Variants in PLGRKT observed in about 807,000 individuals in gnomAD.
PLGRKT encodes the protein plasminogen receptor (KT).
Under a neutral mutation model 18.5 loss-of-function variants are expected in PLGRKT, and 22 were observed. The ratio of observed to expected loss-of-function variants is 1.19; its 90% CI spans 0.85 to 1.70. The LOEUF (loss-of-function observed/expected upper bound fraction) is 1.70. PLGRKT is among the 40% of genes most tolerant of loss of function. The pLI is 0.00. For synonymous variants in PLGRKT, 72 were observed against 52.8 expected, an observed-to-expected ratio of 1.36 and a Z score of -1.58; for missense variants, 235 against 174.4, an observed-to-expected ratio of 1.35 and a Z score of -1.96.
intron 3 of PLGRKT, among the ~76,000 whole-genome samples, chr9:5,380,590 C>A (rs543248344): frequency 6.6e-6 from 1 of 152,106 alleles, no homozygotes; most frequent in South Asian, 2.1e-4. Context: ...CCCTAAACAC[C>A]CTTTTCCTTC....
At chr9:5,429,171 T>C (rs1356988621) in intron 3 of PLGRKT, among the ~76,000 whole-genome samples, 6 of 152,194 alleles carry the variant, frequency 3.9e-5, no homozygotes, top group African/African-American at 7.2e-5. Flanking sequence ...TACAATGACA[T>C]TGATGTATTA....
chr9:5,369,588 C>G (rs575155581), intron 3 of PLGRKT, among the ~76,000 whole-genome samples: 1 of 152,280 alleles, frequency 6.6e-6, no homozygotes, highest in African/African-American at 2.4e-5. Context: ...AATCCCATTA[C>G]TGGTTATATA....
intron 3 of PLGRKT, among the ~76,000 whole-genome samples, chr9:5,406,692 A>G (rs1182597730): frequency 6.6e-6 from 1 of 152,176 alleles, no homozygotes; most frequent in African/African-American, 2.4e-5. Flanking sequence ...TGACAGGTAC[A>G]GCAAACCACC....
chr9:5,370,695 ATTTATCTATGC>A (rs1817497323), intron 3 of PLGRKT, among the ~76,000 whole-genome samples: 2 of 152,222 alleles, frequency 1.3e-5, no homozygotes, highest in South Asian at 4.1e-4. Context: ...AGTATTTTAT[ATTTATCTATGC>A]CTTTGTTAAC....
chr9:5,388,182 A>T (rs1817881280), intron 3 of PLGRKT, among the ~76,000 whole-genome samples: 1 of 151,902 alleles, frequency 6.6e-6, no homozygotes, highest in Admixed American at 6.5e-5. Flanking sequence ...CAGCCACTCC[A>T]GGAATGTGTA....
chr9:5,419,310 T>C (rs1818526748), intron 3 of PLGRKT, among the ~76,000 whole-genome samples: 1 of 152,246 alleles, frequency 6.6e-6, no homozygotes, highest in Non-Finnish European at 1.5e-5. Context: ...TGAATCCCTT[T>C]CACTCCATTC....
chr9:5,431,889 A>T lies in PLGRKT; in HGVS notation c.81+8T>A. Reference sequence around the variant, plus strand: ...ACAACATAATAGCTTAATTATTTTAAAACATACCTGAAGTCGAGCATTCAT... The same window carrying T: ...ACAACATAATAGCTTAATTATTTTATAACATACCTGAAGTCGAGCATTCAT... On this transcript the variant is annotated splice_region_variant and intron_variant, in intron 3 of 5. Coordinates refer to ENST00000223864, the MANE Select transcript of PLGRKT (RefSeq NM_018465.4). The T allele has an allele frequency of 7.4e-7, 1 of 1,352,496 alleles. No individual in the cohort carries two copies. Among genetic ancestry groups the T allele is most frequent in the East Asian group, 2.3e-5 (1 of 43,668 alleles). 83.8% of individuals were successfully genotyped at this position (1,352,496 alleles called of 1,614,324 possible).
At chr9:5,402,623 G>A (rs570787236) in intron 3 of PLGRKT, among the ~76,000 whole-genome samples, 6 of 151,996 alleles carry the variant, frequency 3.9e-5, no homozygotes, top group Admixed American at 6.5e-5. Context: ...GGGCAGTGAC[G>A]GACGAGGAAG....
At chr9:5,399,255 G>C (rs1040701045) in intron 3 of PLGRKT, among the ~76,000 whole-genome samples, 1 of 151,840 alleles carries the variant, frequency 6.6e-6, no homozygotes, top group Non-Finnish European at 1.5e-5. Flanking sequence ...TCTGTCTAAT[G>C]TCAATTTAAT....
intron 3 of PLGRKT, among the ~76,000 whole-genome samples, chr9:5,379,768 C>A (rs1198238194): frequency 6.6e-6 from 1 of 152,070 alleles, no homozygotes; most frequent in Non-Finnish European, 1.5e-5. Context: ...TTGATACTAT[C>A]CTTTGTTGGT....
chr9:5,431,531 CAAAA>C (rs1191361436), intron 3 of PLGRKT, among the ~76,000 whole-genome samples: 1 of 77,036 alleles, frequency 1.3e-5, no homozygotes, highest in Non-Finnish European at 2.5e-5. Flanking sequence ...GAGACTCTCT[CAAAA>C]AAAAAAAAAA....
At position 5,386,482 on chromosome 9, in the gene PLGRKT, T is replaced by C. The variant is rs938678300; in HGVS notation, c.82-24594A>G. On this transcript the variant is annotated intron_variant, in intron 3 of 5. Transcript: ENST00000223864. ...GGATGCTGCTGAACATCATATGATA[T>C]GCAGTGGACCCCCACACACACACAA... is the stretch of plus-strand genomic sequence containing the variant. Among the ~76,000 whole-genome samples the C allele has an allele frequency of 4.6e-5, 7 of 151,836 alleles. 1 individual carries two copies. The highest frequency in any genetic ancestry group is 2.1e-4 in the South Asian group (1 of 4,828).
Position 5,371,151 on chromosome 9 carries a change from AG to A in PLGRKT, c.82-9264del, listed in dbSNP as rs1278512284. Among the ~76,000 whole-genome samples, 18 of 152,338 alleles carry A rather than the reference AG, an allele frequency of 1.2e-4. No individual in the cohort carries two copies. In the South Asian group the frequency reaches 2.9e-3, roughly 25 times the overall value. On this transcript the variant is annotated intron_variant, in intron 3 of 5. Transcript: ENST00000223864. Reference sequence around the variant, plus strand: ...TGCCATATGTAAAAATGAGAATTTCAGTTTGGCAAAAACCTGTGTTTTATGC... The same window carrying A: ...TGCCATATGTAAAAATGAGAATTTCATTTGGCAAAAACCTGTGTTTTATGC...
intron 3 of PLGRKT, among the ~76,000 whole-genome samples, chr9:5,379,613 A>G (rs1475820858): frequency 6.6e-6 from 1 of 152,338 alleles, no homozygotes; most frequent in East Asian, 1.9e-4. Context: ...AAGCCAATAA[A>G]GTTAACCCAA....
At chr9:5,411,055 C>G (rs1331979289) in intron 3 of PLGRKT, among the ~76,000 whole-genome samples, 3 of 152,036 alleles carry the variant, frequency 2.0e-5, no homozygotes, top group Non-Finnish European at 4.4e-5. Context: ...GAGTAGTCAT[C>G]ATGAGCAAAT....
intron 3 of PLGRKT, among the ~76,000 whole-genome samples, chr9:5,384,350 T>C (rs139584120): frequency 6.6e-5 from 10 of 152,196 alleles, no homozygotes; most frequent in Non-Finnish European, 1.2e-4. Flanking sequence ...ATTATCTTTA[T>C]GAAATTTCAG....
intron 3 of PLGRKT, among the ~76,000 whole-genome samples, chr9:5,383,652 G>A (rs1348933535): frequency 1.3e-5 from 2 of 152,074 alleles, no homozygotes; most frequent in African/African-American, 4.8e-5. Context: ...AGGTCATCAG[G>A]CATTAGATTC....
At chr9:5,402,505 C>G (rs1586728154) in intron 3 of PLGRKT, among the ~76,000 whole-genome samples, 2 of 151,910 alleles carry the variant, frequency 1.3e-5, no homozygotes, top group East Asian at 1.9e-4. Flanking sequence ...CTCACTGTCT[C>G]CCTACCCTCC....
chr9:5,397,231 A>T (rs1818067276), intron 3 of PLGRKT, among the ~76,000 whole-genome samples: 2 of 151,850 alleles, frequency 1.3e-5, no homozygotes, highest in African/African-American at 4.9e-5. Context: ...ACTTTCTTCC[A>T]GGTAAGATCA....
Sources: allele counts gnomAD v4.1 joint callset (sites outside exome capture counted in the v4.1 genomes callset), GRCh38; gene constraint gnomAD v4.1.1; transcripts MANE v1.5; gene names NCBI Gene and HGNC (gene_info 2026-07-23, HGNC 2026-07-21).